FBXL17: variants seen among roughly 807,000 people sequenced by gnomAD.
The protein encoded by FBXL17 is F-box and leucine rich repeat protein 17.
In FBXL17, 22 loss-of-function variants were observed where a neutral mutation model predicts 66.2. That is an observed-to-expected ratio of 0.33 (90% CI 0.24 to 0.47). The LOEUF is 0.47. FBXL17 is among the 20% of genes least tolerant of loss of function. FBXL17 has a pLI of 1.00. For missense variants in FBXL17, 878 were observed against 948.2 expected, an observed-to-expected ratio of 0.93 and a Z score of 0.97; for synonymous variants, 474 against 400.5, an observed-to-expected ratio of 1.18 and a Z score of -2.19.
chr5:107,880,758 T>C lies in FBXL17; in HGVS notation c.1965+279A>G, dbSNP rs1459991255. On this transcript the variant is annotated intron_variant, in intron 8 of 8. Transcript: ENST00000542267. Reference sequence around the variant, plus strand: ...TTTTACATTTTGGTCCATGGACTTATGAATAGGATGCCAAACTCTAGTTGA... The same window carrying C: ...TTTTACATTTTGGTCCATGGACTTACGAATAGGATGCCAAACTCTAGTTGA... 7 of 1,306,998 alleles carry C rather than the reference T, an allele frequency of 5.4e-6. No individual in the cohort carries two copies. In the African/African-American group the frequency reaches 9.0e-5, roughly 17 times the overall value. 81.0% of individuals were successfully genotyped at this position (1,306,998 alleles called of 1,614,324 possible).
At chr5:107,890,729 C>T (rs1345359199) in intron 7 of FBXL17, among the ~76,000 whole-genome samples, 1 of 151,542 alleles carries the variant, frequency 6.6e-6, no homozygotes, top group African/African-American at 2.4e-5. Flanking sequence ...TCAGTGAACA[C>T]CACTTAAACA....
chr5:108,191,956 T>A (rs553836294), intron 5 of FBXL17, among the ~76,000 whole-genome samples: 1 of 152,316 alleles, frequency 6.6e-6, no homozygotes, highest in South Asian at 2.1e-4. Context: ...CTATAACCAC[T>A]TTGGCCAACT....
At chr5:108,207,013 G>A (rs1754149454) in intron 5 of FBXL17, among the ~76,000 whole-genome samples, 2 of 152,126 alleles carry the variant, frequency 1.3e-5, no homozygotes, top group Admixed American at 1.3e-4. Context: ...ACAAGTATGT[G>A]TAACTGGACC....
rs529982723 is a variant in FBXL17 at position 108,049,230 on chromosome 5, C to T, written c.1746-28229G>A. Among the ~76,000 whole-genome samples the T allele has an allele frequency of 5.3e-5, 8 of 152,080 alleles. No homozygotes were observed. The South Asian group carries it at 1.5e-3, about 28-fold the overall frequency. On this transcript the variant is annotated intron_variant, in intron 6 of 8. Transcript: ENST00000542267. ...AGATCTCGACTCACTGCAACCTCTGCCTCCCAGGTTCAAGCAATTCCCCTG... is the reference window on the plus strand; with the variant it reads ...AGATCTCGACTCACTGCAACCTCTGTCTCCCAGGTTCAAGCAATTCCCCTG...
At chr5:108,345,116 T>C (rs1441492315) in intron 4 of FBXL17, among the ~76,000 whole-genome samples, 2 of 151,904 alleles carry the variant, frequency 1.3e-5, no homozygotes, top group East Asian at 1.9e-4. Context: ...GGGCGGATCA[T>C]GAGGTCAGGA....
chr5:108,144,232 A>G (rs1751471512), intron 6 of FBXL17, among the ~76,000 whole-genome samples: 3 of 152,168 alleles, frequency 2.0e-5, no homozygotes. Flanking sequence ...AATGCTCTCA[A>G]GGAGTTAATA....
chr5:108,057,696 G>T (rs531558102), intron 6 of FBXL17, among the ~76,000 whole-genome samples: 1 of 152,078 alleles, frequency 6.6e-6, no homozygotes, highest in East Asian at 1.9e-4. Context: ...AAAACAAGAG[G>T]CTCTGTACTT....
intron 4 of FBXL17, among the ~76,000 whole-genome samples, chr5:108,346,162 TA>T (rs1429114637): frequency 6.6e-6 from 1 of 152,128 alleles, no homozygotes; most frequent in Non-Finnish European, 1.5e-5. Context: ...ATTTTAAAAA[TA>T]CAAACTTCCT....
At chr5:108,305,935 G>T (rs766243402) in intron 4 of FBXL17, among the ~76,000 whole-genome samples, 1 of 151,930 alleles carries the variant, frequency 6.6e-6, no homozygotes, top group African/African-American at 2.4e-5. Flanking sequence ...TTAAAAAAAT[G>T]CCAGTTTGGA....
In FBXL17 at chr5:107,899,027, T is replaced by C. The variant is rs139134571; in HGVS notation, c.1823-17848A>G. 8.2e-3 allele frequency among the ~76,000 whole-genome samples: 1,246 copies of C among 152,320 alleles called. 18 individuals are homozygous for C. The highest frequency in any genetic ancestry group is 0.028 in the African/African-American group (1,152 of 41,564). ...AGTGGTATTTCTGGTTCTAGATCTT[T>C]GAGGAATTGCCATACTGACTTCCAC... On this transcript the variant is annotated intron_variant, in intron 7 of 8. Coordinates refer to ENST00000542267, the MANE Select transcript of FBXL17 (RefSeq NM_001163315.3).
intron 8 of FBXL17, chr5:107,878,963 C>A: frequency 1.0e-6 from 1 of 985,396 alleles, no homozygotes; most frequent in Non-Finnish European, 1.2e-6. Flanking sequence ...CAGAGGCAGC[C>A]CAGGAAAAGG....
chr5:108,059,682 G>A (rs1229507806), intron 6 of FBXL17, among the ~76,000 whole-genome samples: 1 of 152,144 alleles, frequency 6.6e-6, no homozygotes, highest in Non-Finnish European at 1.5e-5. Flanking sequence ...TTTTGACCAC[G>A]AAATGTTTGT....
chr5:108,125,405 T>C (rs558193267), intron 6 of FBXL17, among the ~76,000 whole-genome samples: 4 of 152,094 alleles, frequency 2.6e-5, no homozygotes, highest in South Asian at 2.1e-4. Context: ...CTTGGAAGGA[T>C]TGAAAGTTTT....
chr5:108,173,357 C>CCTG (rs1281469353), intron 6 of FBXL17, among the ~76,000 whole-genome samples: 2 of 151,804 alleles, frequency 1.3e-5, no homozygotes, highest in African/African-American at 4.8e-5. Context: ...ATGTAACTAA[C>CCTG]CTGCACATTG....
chr5:108,161,316 CTACTAAAA>C (rs1752209020), intron 6 of FBXL17, among the ~76,000 whole-genome samples: 1 of 152,078 alleles, frequency 6.6e-6, no homozygotes, highest in African/African-American at 2.4e-5. Flanking sequence ...AACCCCGTCT[CTACTAAAA>C]TACAAAAAAA....
At chr5:108,055,447 C>T (rs1266045612) in intron 6 of FBXL17, among the ~76,000 whole-genome samples, 9 of 150,084 alleles carry the variant, frequency 6.0e-5, no homozygotes, top group Admixed American at 6.0e-4. Flanking sequence ...TCTCTACTAA[C>T]AAATACAAAA....
chr5:107,999,776 TA>T (rs1753642799), intron 7 of FBXL17, among the ~76,000 whole-genome samples: 1 of 152,192 alleles, frequency 6.6e-6, no homozygotes, highest in Non-Finnish European at 1.5e-5. Context: ...GAATACTCAA[TA>T]AACACTTACT....
chr5:108,144,253 T>C (rs779114399), intron 6 of FBXL17, among the ~76,000 whole-genome samples: 17 of 152,154 alleles, frequency 1.1e-4, no homozygotes, highest in Non-Finnish European at 2.4e-4. Context: ...CTCATGCTAT[T>C]AGGGAAAGTG....
rs562627568 is a variant in FBXL17, at chr5:108,083,441, C to T, written c.1746-62440G>A. Among the ~76,000 whole-genome samples the T allele has an allele frequency of 4.6e-5, 7 of 152,316 alleles. No individual in the cohort carries two copies. In the East Asian group the frequency reaches 1.3e-3, roughly 29 times the overall value. On this transcript the variant is annotated intron_variant, in intron 6 of 8. Coordinates refer to ENST00000542267, the MANE Select transcript of FBXL17 (RefSeq NM_001163315.3). Reference sequence around the variant, plus strand: ...TTTAAGACAAGGTCTTGCTTTGTCACCCAGGCTGGAGTGCAGTAGTGTGAT... The same window carrying T: ...TTTAAGACAAGGTCTTGCTTTGTCATCCAGGCTGGAGTGCAGTAGTGTGAT...
Sources: allele counts gnomAD v4.1 joint callset (sites outside exome capture counted in the v4.1 genomes callset), GRCh38; gene constraint gnomAD v4.1.1; transcripts MANE v1.5; gene names NCBI Gene and HGNC (gene_info 2026-07-23, HGNC 2026-07-21).